Variants in NTM observed in about 807,000 individuals in gnomAD.
NTM encodes the protein IgLON family member 2.
In NTM, 13 loss-of-function variants were observed where a neutral mutation model predicts 42.1. The ratio of observed to expected loss-of-function variants is 0.31; its 90% CI spans 0.20 to 0.49. The LOEUF is 0.49. NTM is among the 20% of genes least tolerant of loss of function. The pLI, the probability that NTM is intolerant of heterozygous loss-of-function variation, is 0.99. For missense variants in NTM, 373 were observed against 452.8 expected (o/e 0.82, Z 1.60); for synonymous variants, 187 against 179.2 (o/e 1.04, Z -0.35).
intron 1 of NTM, among the ~76,000 whole-genome samples, chr11:131,567,499 C>A (rs2057017588): frequency 6.6e-6 from 1 of 152,000 alleles, no homozygotes; most frequent in Admixed American, 6.6e-5. Context: ...AAAAAAAGAC[C>A]CAAAAATCTA....
At chr11:131,628,419 A>G (rs1303566475) in intron 1 of NTM, among the ~76,000 whole-genome samples, 1 of 152,264 alleles carries the variant, frequency 6.6e-6, no homozygotes, top group Non-Finnish European at 1.5e-5. Flanking sequence ...GTTATCACCA[A>G]GAATATTTTA....
chr11:131,776,456 C>T (rs536723630), intron 1 of NTM, among the ~76,000 whole-genome samples: 1 of 152,318 alleles, frequency 6.6e-6, no homozygotes, highest in Non-Finnish European at 1.5e-5. Flanking sequence ...GTCTGCCTTC[C>T]ACGTTAACAA....
chr11:132,154,208 T>C (rs1215078488), intron 3 of NTM, among the ~76,000 whole-genome samples: 2 of 152,332 alleles, frequency 1.3e-5, no homozygotes, highest in East Asian at 3.9e-4. Flanking sequence ...TTTCTGGTTG[T>C]CCTGCTAGAA....
intron 1 of NTM, among the ~76,000 whole-genome samples, chr11:131,910,491 G>A (rs1194551039): frequency 2.7e-5 from 4 of 148,574 alleles, no homozygotes; most frequent in Non-Finnish European, 6.0e-5. Flanking sequence ...CCCTCCCGCC[G>A]GGATGAGAGC....
At chr11:132,252,441 CA>C (rs891331548) in intron 4 of NTM, among the ~76,000 whole-genome samples, 2 of 151,940 alleles carry the variant, frequency 1.3e-5, no homozygotes, top group African/African-American at 4.8e-5. Flanking sequence ...AGAGAGTCCC[CA>C]AAAAAGGGTG....
chr11:131,511,124 C>T (rs905107994), intron 1 of NTM, among the ~76,000 whole-genome samples: 3 of 152,330 alleles, frequency 2.0e-5, no homozygotes, highest in Admixed American at 2.0e-4. Flanking sequence ...TCCTGTGCTC[C>T]AGGCCACGTG....
chr11:132,269,707 C>T (rs1423838455), intron 4 of NTM, among the ~76,000 whole-genome samples: 1 of 152,168 alleles, frequency 6.6e-6, no homozygotes, highest in Non-Finnish European at 1.5e-5. Context: ...TGCACTGTGG[C>T]TGTTGAGGGT....
intron 1 of NTM, among the ~76,000 whole-genome samples, chr11:131,434,156 A>G (rs1053489475): frequency 6.6e-6 from 1 of 152,178 alleles, no homozygotes; most frequent in African/African-American, 2.4e-5. Context: ...ATAATATTCC[A>G]TGGAGTATAT....
chr11:131,786,316 A>G (rs2136056297), intron 1 of NTM, among the ~76,000 whole-genome samples: 1 of 152,360 alleles, frequency 6.6e-6, no homozygotes, highest in African/African-American at 2.4e-5. Context: ...TGACTAAGTT[A>G]CAAGAGGAGC....
At chr11:131,979,457 A>G (rs1201084889) in intron 2 of NTM, among the ~76,000 whole-genome samples, 1 of 152,240 alleles carries the variant, frequency 6.6e-6, no homozygotes, top group Non-Finnish European at 1.5e-5. Context: ...ATGCTTTGCT[A>G]TGTTGGCATT....
intron 4 of NTM, 179 bp from the exon 5 acceptor site, chr11:132,307,510 T>C (rs1223410140): frequency 1.1e-5 from 3 of 283,770 alleles, no homozygotes; most frequent in Non-Finnish European, 1.6e-5. Flanking sequence ...AAGGAAAAGT[T>C]GGTGGTGCGG....
At chr11:131,813,903 C>T (rs902548402) in intron 1 of NTM, among the ~76,000 whole-genome samples, 2 of 152,060 alleles carry the variant, frequency 1.3e-5, no homozygotes, top group Non-Finnish European at 2.9e-5. Flanking sequence ...TCTCCTCATT[C>T]GTAACAGTGC....
At chr11:131,620,699 G>A (rs1368906059) in intron 1 of NTM, among the ~76,000 whole-genome samples, 5 of 152,168 alleles carry the variant, frequency 3.3e-5, no homozygotes, top group African/African-American at 4.8e-5. Context: ...ATGCTCCCAC[G>A]CTATTTCCTA....
intron 1 of NTM, among the ~76,000 whole-genome samples, chr11:131,748,384 G>C (rs776554114): frequency 7.9e-5 from 12 of 152,220 alleles, no homozygotes; most frequent in Non-Finnish European, 1.6e-4. Context: ...AGCAGACGCC[G>C]CACAGCCGGC....
intron 2 of NTM, among the ~76,000 whole-genome samples, chr11:132,067,699 T>C (rs2056728726): frequency 6.6e-6 from 1 of 152,246 alleles, no homozygotes; most frequent in Non-Finnish European, 1.5e-5. Flanking sequence ...AATAATCCCC[T>C]GAGGCTAATT....
intron 4 of NTM, among the ~76,000 whole-genome samples, chr11:132,272,796 A>G (rs757061524): frequency 6.6e-6 from 1 of 152,006 alleles, no homozygotes; most frequent in African/African-American, 2.4e-5. Context: ...TTCACTGTAT[A>G]TAAGATCCTG....
chr11:131,835,015 G>A (rs2043307546), intron 1 of NTM, among the ~76,000 whole-genome samples: 1 of 152,060 alleles, frequency 6.6e-6, no homozygotes, highest in Admixed American at 6.6e-5. Context: ...TATGTGTTCA[G>A]TATTGTTCTC....
chr11:131,580,383 C>T (rs1214298462), intron 1 of NTM, among the ~76,000 whole-genome samples: 1 of 152,114 alleles, frequency 6.6e-6, no homozygotes, highest in African/African-American at 2.4e-5. Context: ...TACTGTGAGG[C>T]CACTGACAGC....
intron 1 of NTM, among the ~76,000 whole-genome samples, chr11:131,840,408 G>A (rs772263349): frequency 1.3e-5 from 2 of 152,150 alleles, no homozygotes; most frequent in South Asian, 2.1e-4. Flanking sequence ...TGGAGTGATC[G>A]ATCAACTGTG....
Sources: allele counts gnomAD v4.1 joint callset (sites outside exome capture counted in the v4.1 genomes callset), GRCh38; gene constraint gnomAD v4.1.1; transcripts MANE v1.5; gene names NCBI Gene and HGNC (gene_info 2026-07-23, HGNC 2026-07-21).